SUMF1: variants seen among roughly 807,000 people sequenced by gnomAD.
SUMF1 encodes the protein formylglycine-generating enzyme.
Under a neutral mutation model 47.6 loss-of-function variants are expected in SUMF1, and 48 were observed. That is an observed-to-expected ratio of 1.01 (90% CI 0.80 to 1.28). The LOEUF (loss-of-function observed/expected upper bound fraction) is 1.28, where lower values mean the gene tolerates loss of function less well. Among genes scored for constraint, SUMF1 ranks in the 50% most tolerant of loss-of-function variants. The pLI is 0.00. For missense variants in SUMF1, 571 were observed against 485.4 expected (o/e 1.18, Z -1.66); for synonymous variants, 230 against 192.1 (o/e 1.20, Z -1.63).
At chr3:4,380,777 T>C (rs182982501) in intron 7 of SUMF1, among the ~76,000 whole-genome samples, 1 of 152,158 alleles carries the variant, frequency 6.6e-6, no homozygotes, top group Non-Finnish European at 1.5e-5. Flanking sequence ...CACAGGTTTC[T>C]ACATAACAGT....
At chr3:4,406,514 T>G (rs1479381322) in intron 7 of SUMF1, among the ~76,000 whole-genome samples, 1 of 151,894 alleles carries the variant, frequency 6.6e-6, no homozygotes, top group Non-Finnish European at 1.5e-5. Context: ...AAAAATTAGC[T>G]GGGTGTGGTA....
At chr3:4,058,711 A>G (rs1695230608) in intron 9 of SUMF1, among the ~76,000 whole-genome samples, 1 of 152,180 alleles carries the variant, frequency 6.6e-6, no homozygotes. Flanking sequence ...ACTGCTAGAA[A>G]TAAAGTAGAA....
rs1032335769 is a variant in SUMF1, at chr3:4,417,330, C to T, written c.726-88G>A. 4.8e-6 allele frequency: 5 copies of T among 1,041,660 alleles called. No homozygotes were observed. The African/African-American group carries it at 6.3e-5, about 13-fold the overall frequency. The allele number at this position is 1,041,660 out of a possible 1,614,324, so 64.5% of individuals were successfully genotyped here. ...AGAAGGGATGCAATGAAAAAGAGAA[C>T]ATTGCTTGCTTGTTCTGAGTGAGCC... On this transcript the variant is annotated intron_variant, in intron 5 of 8. Coordinates refer to ENST00000272902, the MANE Select transcript of SUMF1 (RefSeq NM_182760.4).
intron 8 of SUMF1, among the ~76,000 whole-genome samples, chr3:4,289,772 C>T (rs1459208661): frequency 6.6e-6 from 1 of 152,146 alleles, no homozygotes; most frequent in Non-Finnish European, 1.5e-5. Context: ...AACTAAACGA[C>T]CATTTAAAAT....
At chr3:4,271,466 T>TATAGATAGATAG (rs3048196) in intron 8 of SUMF1, among the ~76,000 whole-genome samples, 10 of 108,484 alleles carry the variant, frequency 9.2e-5, no homozygotes, top group Non-Finnish European at 8.9e-5. Context: ...TTATACTATC[T>TATAGATAGATAG]ATAGATAGAT....
At chr3:4,110,305 C>A (rs1293010406) in intron 8 of SUMF1, among the ~76,000 whole-genome samples, 1 of 152,034 alleles carries the variant, frequency 6.6e-6, no homozygotes, top group Admixed American at 6.6e-5. Flanking sequence ...AGAGGAGTAC[C>A]CAGACATGTG....
chr3:4,345,607 T>C (rs1428311462), intron 8 of SUMF1, among the ~76,000 whole-genome samples: 1 of 152,056 alleles, frequency 6.6e-6, no homozygotes, highest in Non-Finnish European at 1.5e-5. Flanking sequence ...CCAATGACAC[T>C]ACGAAGAAAC....
chr3:4,089,465 A>G (rs568899045), intron 8 of SUMF1, among the ~76,000 whole-genome samples: 7 of 152,290 alleles, frequency 4.6e-5, no homozygotes, highest in African/African-American at 1.7e-4. Context: ...GTATAAAAAA[A>G]TACAAACATT....
intron 8 of SUMF1, among the ~76,000 whole-genome samples, chr3:4,367,472 T>G (rs544033352): frequency 6.6e-6 from 1 of 151,862 alleles, no homozygotes; most frequent in Non-Finnish European, 1.5e-5. Context: ...CTTCACAGAA[T>G]TGGAAAAAAC....
chr3:4,093,605 T>C (rs922883485), intron 8 of SUMF1, among the ~76,000 whole-genome samples: 1 of 152,032 alleles, frequency 6.6e-6, no homozygotes, highest in African/African-American at 2.4e-5. Context: ...AAGATACAGA[T>C]ATTTAAGAAA....
At chr3:4,368,663 C>G (rs1700066447) in intron 8 of SUMF1, among the ~76,000 whole-genome samples, 2 of 152,178 alleles carry the variant, frequency 1.3e-5, no homozygotes, top group South Asian at 4.1e-4. Context: ...CGACTCATGT[C>G]TTCTTTCCCA....
At chr3:4,076,159 C>G (rs1044119538) in intron 8 of SUMF1, among the ~76,000 whole-genome samples, 5 of 152,030 alleles carry the variant, frequency 3.3e-5, no homozygotes, top group African/African-American at 1.2e-4. Context: ...ACCAATGGAA[C>G]AGAACAGAGG....
rs772196355 is a variant in SUMF1, at chr3:4,313,640, T to C, written c.1014+62690A>G. ...AAATCATGTACTGCTTTCCTGCCTT[T>C]TGACAGTTCTCTGTACTGCCCCGTA... is the stretch of plus-strand genomic sequence containing the variant. On this transcript the variant is annotated intron_variant and NMD_transcript_variant, in intron 8 of 12. Transcript: ENST00000448413. 2.5e-6 allele frequency: 4 copies of C among 1,614,112 alleles called. No homozygotes were observed. The Admixed American group carries it at 6.7e-5, about 27-fold the overall frequency.
intron 8 of SUMF1, among the ~76,000 whole-genome samples, chr3:4,127,515 C>A (rs1337725076): frequency 2.0e-5 from 3 of 152,056 alleles, no homozygotes; most frequent in African/African-American, 7.2e-5. Flanking sequence ...GCTTAGCCTC[C>A]CAGCCTGCAT....
intron 8 of SUMF1, among the ~76,000 whole-genome samples, chr3:4,219,319 C>G (rs1224520384): frequency 6.6e-6 from 1 of 152,106 alleles, no homozygotes; most frequent in African/African-American, 2.4e-5. Context: ...TATTGCTGAT[C>G]CCATTTTACA....
intron 8 of SUMF1, among the ~76,000 whole-genome samples, chr3:4,375,636 G>A (rs966418582): frequency 2.0e-5 from 3 of 152,096 alleles, no homozygotes; most frequent in Non-Finnish European, 4.4e-5. Context: ...GAAGCTTTGA[G>A]GCAATAACAA....
chr3:4,053,817 T>C (rs1695151845), intron 9 of SUMF1, among the ~76,000 whole-genome samples: 3 of 152,176 alleles, frequency 2.0e-5, no homozygotes, highest in Admixed American at 2.0e-4. Context: ...GTGATCAGTG[T>C]TGGTGAATAT....
At chr3:4,229,504 A>G (rs1696250753) in intron 8 of SUMF1, among the ~76,000 whole-genome samples, 1 of 152,142 alleles carries the variant, frequency 6.6e-6, no homozygotes, top group Non-Finnish European at 1.5e-5. Flanking sequence ...TCTCTCATCT[A>G]TGAAATTACC....
At chr3:4,107,511 G>C (rs1383302787) in intron 8 of SUMF1, among the ~76,000 whole-genome samples, 1 of 152,116 alleles carries the variant, frequency 6.6e-6, no homozygotes, top group Non-Finnish European at 1.5e-5. Context: ...ATCCTGCCTA[G>C]CTTTTAGTAG....
Sources: gnomAD v4.1 joint callset for allele counts (sites outside exome capture counted in the v4.1 genomes callset) on GRCh38, gnomAD v4.1.1 for gene constraint, MANE v1.5 for transcripts, NCBI Gene and HGNC (gene_info 2026-07-23, HGNC 2026-07-21) for gene names.